The following ZEB2 variants were observed in gnomAD, a reference collection of about 807,000 sequenced individuals.
The protein encoded by ZEB2 is zinc finger E-box binding homeobox 2, also known as zinc finger E-box-binding homeobox 2.
ZEB2 carries 6 observed loss-of-function variants against 99.9 expected under a neutral mutation model. The ratio of observed to expected loss-of-function variants is 0.06; its 90% CI spans 0.03 to 0.12. The LOEUF is 0.12. ZEB2 is among the 10% of genes least tolerant of loss of function. ZEB2 has a pLI of 1.00. For missense variants in ZEB2, 969 were observed against 1,502.8 expected (o/e 0.64, Z 5.87); for synonymous variants, 517 against 542.5 (o/e 0.95, Z 0.65).
chr2:144,422,077 T>C (rs994578889), intron 4 of ZEB2, among the ~76,000 whole-genome samples: 3 of 152,230 alleles, frequency 2.0e-5, no homozygotes, highest in Non-Finnish European at 4.4e-5. Flanking sequence ...AGAAGTCATG[T>C]TGCTAATTTC....
intron 2 of ZEB2, among the ~76,000 whole-genome samples, chr2:144,485,704 T>C (rs1704584362): frequency 6.6e-6 from 1 of 152,052 alleles, no homozygotes; most frequent in African/African-American, 2.4e-5. Context: ...ACTGCAACCT[T>C]CGCCTCTGGG....
chr2:144,452,672 C>G lies in ZEB2; in HGVS notation c.74-22646G>C, dbSNP rs200948302. Among the ~76,000 whole-genome samples, 24 of 152,188 alleles carry G rather than the reference C, an allele frequency of 1.6e-4. No homozygotes were observed. In the East Asian group the frequency reaches 3.1e-3, roughly 20 times the overall value. On this transcript the variant is annotated intron_variant, in intron 2 of 9. Coordinates refer to ENST00000627532, the MANE Select transcript of ZEB2 (RefSeq NM_014795.4). ...TTGGAGTCCGACAAGCCTGCAGTTC[C>G]GTCGCCAACCTGATAACTCTCACCC...
At chr2:144,502,993 T>A (rs189334425) in intron 2 of ZEB2, among the ~76,000 whole-genome samples, 1 of 152,300 alleles carries the variant, frequency 6.6e-6, no homozygotes, top group African/African-American at 2.4e-5. Flanking sequence ...ACAAGGTAAC[T>A]CTTCCTTAGG....
At position 144,387,048 on chromosome 2, in the gene ZEB2, T is replaced by TAC. The variant is rs1189762636; in HGVS notation, c.*2402_*2403insGT. ...CTTTCTGTGTATGTGTGTGTGTGTA[T>TAC]ATATATATATATATACACACACACA... is the stretch of plus-strand genomic sequence containing the variant. On this transcript the variant is annotated 3_prime_UTR_variant, in exon 10 of 10. Coordinates refer to ENST00000627532, the MANE Select transcript of ZEB2 (RefSeq NM_014795.4). 7.2e-6 allele frequency: 1 copy of TAC among 137,936 alleles called. No homozygotes were observed. Among genetic ancestry groups the TAC allele is most frequent in the Non-Finnish European group, 1.5e-5 (1 of 66,090 alleles). The allele number at this position is 137,936 out of a possible 1,614,324, so 8.5% of individuals were successfully genotyped here. A position where few individuals can be genotyped will look rare whatever the true frequency, so the allele number is the denominator to read the frequency against.
At chr2:144,457,491 G>A (rs1002796416) in intron 2 of ZEB2, among the ~76,000 whole-genome samples, 8 of 152,256 alleles carry the variant, frequency 5.3e-5, no homozygotes, top group Admixed American at 1.3e-4. Context: ...GTATGGTGGT[G>A]TCAGTATGAA....
intron 2 of ZEB2, among the ~76,000 whole-genome samples, chr2:144,464,814 A>G (rs1704248975): frequency 6.6e-6 from 1 of 152,230 alleles, no homozygotes; most frequent in African/African-American, 2.4e-5. Context: ...TCCCTTTTAC[A>G]TACATTCCAG....
chr2:144,457,333 C>T (rs1704134131), intron 2 of ZEB2, among the ~76,000 whole-genome samples: 1 of 152,148 alleles, frequency 6.6e-6, no homozygotes, highest in Non-Finnish European at 1.5e-5. Context: ...CTTTTTCCCA[C>T]ATCACCTCGT....
chr2:144,498,076 AT>A (rs1704810605), intron 2 of ZEB2, among the ~76,000 whole-genome samples: 1 of 74,498 alleles, frequency 1.3e-5, no homozygotes, highest in Non-Finnish European at 2.5e-5. Context: ...TTAATATTAT[AT>A]ATTATATAAT....
chr2:144,399,808 A>G lies in ZEB2; in HGVS notation c.1379T>C (p.Val460Ala). Residue 460 changes from valine (V) to alanine (A), a missense_variant, in exon 8 of 10, where the codon GTA becomes GCA. By Grantham distance (64) the Val-to-Ala change is moderately conservative (BLOSUM62 0). This residue lies in a region of ZEB2 where 227 missense variants were observed against 278.2 expected (regional missense o/e 0.82). Transcript: ENST00000627532. This position sits in a 1 kb window ranked among gnomAD's most constrained non-coding sequence, Gnocchi z 5.6. ...GTCCACAATCTGTAGAACCTTTTGT[A>G]CCTCACTTAAATTACTATTCATGGT... The part of the protein sequence containing the change: ...FPTMNSNLSE[V>A]QKVLQIVDNT... The G allele has an allele frequency of 6.2e-7, 1 of 1,614,156 alleles. No individual in the cohort carries two copies. Among genetic ancestry groups the G allele is most frequent in the Non-Finnish European group, 8.5e-7 (1 of 1,180,038 alleles).
intron 2 of ZEB2, chr2:144,494,247 A>G (rs147428588): frequency 1.3e-5 from 2 of 152,034 alleles, no homozygotes; most frequent in Admixed American, 1.3e-4. Context: ...TGGGACACCC[A>G]AAGGCTAGCT....
At chr2:144,426,306 C>T (rs1038452158) in intron 3 of ZEB2, among the ~76,000 whole-genome samples, 5 of 152,128 alleles carry the variant, frequency 3.3e-5, no homozygotes, top group African/African-American at 9.7e-5. Context: ...AAGTCTCCCT[C>T]ATCTGATATT....
intron 2 of ZEB2, among the ~76,000 whole-genome samples, chr2:144,485,373 A>ATT (rs1330375408): frequency 6.6e-6 from 1 of 152,226 alleles, no homozygotes; most frequent in Admixed American, 6.5e-5. Flanking sequence ...AAAAATCAAA[A>ATT]TTTTTAGAAA....
intron 2 of ZEB2, among the ~76,000 whole-genome samples, chr2:144,500,745 G>A (rs1174475847): frequency 6.6e-6 from 1 of 152,136 alleles, no homozygotes; most frequent in Non-Finnish European, 1.5e-5. Context: ...TCTGTACTAG[G>A]CCTGGGAGCT....
chr2:144,487,176 CT>C (rs1275778677), intron 2 of ZEB2, among the ~76,000 whole-genome samples: 1 of 151,720 alleles, frequency 6.6e-6, no homozygotes, highest in East Asian at 1.9e-4. Context: ...TCTGATTTAC[CT>C]TTGATAAGAA....
At chr2:144,402,817 C>A (rs1703330620) in intron 6 of ZEB2, among the ~76,000 whole-genome samples, 1 of 152,232 alleles carries the variant, frequency 6.6e-6, no homozygotes, top group African/African-American at 2.4e-5. Flanking sequence ...GAAAAGCATT[C>A]AGGTGACAAG....
At chr2:144,490,359 AT>A (rs779256239) in intron 2 of ZEB2, among the ~76,000 whole-genome samples, 3 of 152,198 alleles carry the variant, frequency 2.0e-5, no homozygotes, top group Admixed American at 2.0e-4. Flanking sequence ...ATTATTATTA[AT>A]ATCACCACTG....
chr2:144,507,127 ATCT>A (rs1334143293), intron 2 of ZEB2, among the ~76,000 whole-genome samples: 13 of 152,232 alleles, frequency 8.5e-5, no homozygotes, highest in African/African-American at 2.9e-4. Context: ...TTAAAAGAAC[ATCT>A]TCTTTTACAC....
chr2:144,518,886 G>T (rs1705216859), intron 1 of ZEB2: 1 of 152,184 alleles, frequency 6.6e-6, no homozygotes, highest in Non-Finnish European at 1.5e-5. Context: ...TTATGGGCAT[G>T]TGTGTGTGTG....
At chr2:144,400,718 C>G (rs989093268) in intron 7 of ZEB2, among the ~76,000 whole-genome samples, 2 of 152,166 alleles carry the variant, frequency 1.3e-5, no homozygotes, top group Admixed American at 6.5e-5. Context: ...CTTGGCAGAG[C>G]TATCAAACTA....
Sources: gnomAD v4.1 joint callset for allele counts (sites outside exome capture counted in the v4.1 genomes callset) on GRCh38, gnomAD v4.1.1 for gene constraint, gnomAD v4.1.1 regional missense constraint, Gnocchi (gnomAD v3.1) non-coding constraint, MANE v1.5 for transcripts, NCBI Gene and HGNC (gene_info 2026-07-23, HGNC 2026-07-21) for gene names.